The following KTN1 variants were observed in gnomAD, a reference collection of about 807,000 sequenced individuals.
The protein encoded by KTN1 is kinectin.
Under a neutral mutation model 222.5 loss-of-function variants are expected in KTN1, and 130 were observed. The ratio of observed to expected loss-of-function variants is 0.58; its 90% CI spans 0.51 to 0.68. The LOEUF (loss-of-function observed/expected upper bound fraction) is 0.68. KTN1 is among the 30% of genes least tolerant of loss of function. KTN1 has a pLI of 0.00. For missense variants in KTN1, 1,508 were observed against 1,500.4 expected (o/e 1.01, Z -0.08); for synonymous variants, 512 against 496.3 (o/e 1.03, Z -0.42).
At chr14:55,641,990 A>T (rs577872608) in intron 18 of KTN1, among the ~76,000 whole-genome samples, 7 of 152,196 alleles carry the variant, frequency 4.6e-5, no homozygotes, top group Non-Finnish European at 5.9e-5. Flanking sequence ...AATGTGTAAT[A>T]GGATGCATAA....
At chr14:55,628,181 GTC>G (rs1566745235) in intron 6 of KTN1, among the ~76,000 whole-genome samples, 153 bp downstream of exon 6, 1 of 152,202 alleles carries the variant, frequency 6.6e-6, no homozygotes, top group African/African-American at 2.4e-5. Flanking sequence ...AGATAGAGCT[GTC>G]TCTCTCTTTT....
intron 42 of KTN1, chr14:55,679,334 T>G (rs535250629): frequency 2.6e-6 from 1 of 382,452 alleles, no homozygotes; most frequent in African/African-American, 2.1e-5. Context: ...TTTCCTTTTG[T>G]GTCCAAGTGA....
intron 35 of KTN1, among the ~76,000 whole-genome samples, chr14:55,671,043 T>C (rs947378383): frequency 6.6e-6 from 1 of 152,216 alleles, no homozygotes; most frequent in Non-Finnish European, 1.5e-5. Flanking sequence ...GTATTTTAAT[T>C]GTTTCTAAAA....
In KTN1 at chr14:55,641,675, G is replaced by A; in HGVS notation, c.2104-17G>A. The A allele has an allele frequency of 6.7e-7, 1 of 1,499,734 alleles. No homozygotes were observed. The highest frequency in any genetic ancestry group is 1.1e-5 in the South Asian group (1 of 88,356). 92.9% of individuals were successfully genotyped at this position (1,499,734 alleles called of 1,614,324 possible). ...TTTTTTCTTAATAAAACAGTAAATT[G>A]AGACTCTTTCTTCCAGATTCTAAAT... On this transcript the variant is annotated splice_polypyrimidine_tract_variant and intron_variant, in intron 17 of 43. Coordinates refer to ENST00000395314, the MANE Select transcript of KTN1 (RefSeq NM_001079521.2).
At chr14:55,592,816 A>G (rs2034370790) in intron 1 of KTN1, among the ~76,000 whole-genome samples, 1 of 152,226 alleles carries the variant, frequency 6.6e-6, no homozygotes, top group Non-Finnish European at 1.5e-5. Flanking sequence ...ACAAACTTCT[A>G]TGTATACAGC....
chr14:55,676,024 ATAT>A (rs1566856200), intron 41 of KTN1, 106 bp downstream of exon 41: 3 of 684,320 alleles, frequency 4.4e-6, no homozygotes, highest in Non-Finnish European at 7.4e-6. Flanking sequence ...TTGCATCATA[ATAT>A]TAACCTTTTA....
chr14:55,632,804 AT>A (rs2040684526), intron 7 of KTN1, among the ~76,000 whole-genome samples: 1 of 152,220 alleles, frequency 6.6e-6, no homozygotes, highest in African/African-American at 2.4e-5. Context: ...TTGTAACTTA[AT>A]ATAAAGTGTA....
intron 24 of KTN1, chr14:55,651,307 T>G (rs1433153504): frequency 4.4e-6 from 2 of 456,008 alleles, no homozygotes; most frequent in African/African-American, 2.0e-5. Context: ...CAGGAAAGTC[T>G]TCTCCTGAGG....
At chr14:55,637,083 G>A in intron 10 of KTN1, 115 bp from the exon 11 acceptor site, 1 of 669,458 alleles carries the variant, frequency 1.5e-6, no homozygotes, top group Non-Finnish European at 2.5e-6. Context: ...TGCAAGAATG[G>A]AAGCAGGAGA....
chr14:55,611,344 C>T (rs1192428906), intron 1 of KTN1, among the ~76,000 whole-genome samples: 4 of 150,634 alleles, frequency 2.7e-5, no homozygotes, highest in Admixed American at 1.3e-4. Context: ...TCAAGTGATC[C>T]GTCTGCCTCA....
intron 21 of KTN1, 56 bp downstream of exon 21, chr14:55,648,926 G>GTTTT: frequency 8.1e-7 from 1 of 1,237,514 alleles, no homozygotes; most frequent in Non-Finnish European, 1.2e-6. Context: ...TTGTTTGTTT[G>GTTTT]TTGTTTTTAA....
intron 1 of KTN1, 131 bp from the exon 2 acceptor site, chr14:55,611,888 C>T: frequency 2.5e-6 from 1 of 398,906 alleles, no homozygotes; most frequent in South Asian, 1.1e-4. Flanking sequence ...ATTTAAAGAA[C>T]TAACCTGTTT....
rs1566767018 is a variant in KTN1, at chr14:55,637,374, CTTCT to C, written c.1716+13_1716+16del. On this transcript the variant is annotated intron_variant, in intron 11 of 43. Transcript: ENST00000395314. The stretch of plus-strand genomic sequence containing the variant: ...ACAAATGCAGGTTCAGGTATTTTTT[CTTCT>C]TTTTTTTTTTTTAAAAAAATACAGG... 1 of 1,508,420 alleles carries C rather than the reference CTTCT, an allele frequency of 6.6e-7. No homozygotes were observed. The highest frequency in any genetic ancestry group is 8.9e-7 in the Non-Finnish European group (1 of 1,126,238). 93.4% of individuals were successfully genotyped at this position (1,508,420 alleles called of 1,614,324 possible). A position where few individuals can be genotyped will look rare whatever the true frequency, so the allele number is the denominator to read the frequency against.
intron 12 of KTN1, 69 bp downstream of exon 12, chr14:55,637,916 T>G: frequency 6.1e-6 from 7 of 1,153,708 alleles, no homozygotes; most frequent in Non-Finnish European, 9.0e-6. Context: ...TGAATGTCTG[T>G]TGAGTGCCAA....
rs117914729 is a variant in KTN1 at position 55,622,195 on chromosome 14, G to A, written c.963+2883G>A. Among the ~76,000 whole-genome samples the A allele has an allele frequency of 4.1e-3, 623 of 152,182 alleles. 2 individuals are homozygous for A. The highest frequency in any genetic ancestry group is 6.6e-3 in the Non-Finnish European group (446 of 68,014). On this transcript the variant is annotated intron_variant, in intron 5 of 43. Coordinates refer to ENST00000395314, the MANE Select transcript of KTN1 (RefSeq NM_001079521.2). ...ATTTGGCCCTTGGCTAAACTGTACC[G>A]TGCTTTGCTCTGACTAGAAGTGCTA...
intron 1 of KTN1, among the ~76,000 whole-genome samples, chr14:55,592,377 C>G (rs1237991368): frequency 6.6e-6 from 1 of 152,154 alleles, no homozygotes. Flanking sequence ...AATACTTTGA[C>G]AGTATGGAGT....
At chr14:55,654,793 G>A (rs994349520) in intron 28 of KTN1, among the ~76,000 whole-genome samples, 3 of 152,016 alleles carry the variant, frequency 2.0e-5, no homozygotes, top group African/African-American at 7.3e-5. Flanking sequence ...TATCATTACA[G>A]TATCATACAA....
At chr14:55,666,137 A>G (rs1028245903) in intron 33 of KTN1, among the ~76,000 whole-genome samples, 6 of 151,992 alleles carry the variant, frequency 3.9e-5, no homozygotes, top group South Asian at 2.1e-4. Context: ...TAAAACACCT[A>G]TTGTAAAAAT....
chr14:55,619,369 A>C, intron 5 of KTN1, 57 bp downstream of exon 5: 1 of 1,561,104 alleles, frequency 6.4e-7, no homozygotes, highest in Non-Finnish European at 8.8e-7. Context: ...AAGTTCACCA[A>C]ACAAGACTTT....
Sources: gnomAD v4.1 joint callset for allele counts (sites outside exome capture counted in the v4.1 genomes callset) on GRCh38, gnomAD v4.1.1 for gene constraint, MANE v1.5 for transcripts, NCBI Gene and HGNC (gene_info 2026-07-23, HGNC 2026-07-21) for gene names.